PCDHGA5: variants seen among roughly 807,000 people sequenced by gnomAD.
PCDHGA5 encodes protocadherin gamma-A5.
Under a neutral mutation model 56.7 loss-of-function variants are expected in PCDHGA5, and 36 were observed. That is an observed-to-expected ratio of 0.64 (90% CI 0.49 to 0.84). The LOEUF is 0.84. PCDHGA5 is among the 40% of genes least tolerant of loss of function. PCDHGA5 has a pLI of 0.00. For synonymous variants in PCDHGA5, 563 were observed against 520.2 expected (o/e 1.08, Z -1.12); for missense variants, 1,305 against 1,201.5 (o/e 1.09, Z -1.27).
intron 1 of PCDHGA5, chr5:141,384,394 G>C (rs1252206948): frequency 1.2e-6 from 2 of 1,613,814 alleles, no homozygotes; most frequent in Non-Finnish European, 1.7e-6. Context: ...CATCCAGGGG[G>C]CTCCAGTGTC....
intron 1 of PCDHGA5, chr5:141,394,606 C>T (rs747606142): frequency 3.1e-6 from 5 of 1,613,486 alleles, no homozygotes; most frequent in Admixed American, 1.7e-5. Context: ...GACAGAGACT[C>T]GGGCCAGAAC....
Position 141,487,831 on chromosome 5 carries a change from A to G in PCDHGA5, c.2422-6976A>G, listed in dbSNP as rs1001896359. ...TTAGCATTGGGGGCGGGTCATGCCTATATCTGAGTAAGAAATGAAAGTAAT... is the reference window on the plus strand; with the variant it reads ...TTAGCATTGGGGGCGGGTCATGCCTGTATCTGAGTAAGAAATGAAAGTAAT... On this transcript the variant is annotated intron_variant, in intron 1 of 3. Transcript: ENST00000518069. This position sits in a 1 kb window ranked among gnomAD's most constrained non-coding sequence, Gnocchi z 5.0. The G allele has an allele frequency of 1.1e-5, 13 of 1,144,204 alleles. No homozygotes were observed. Among genetic ancestry groups the G allele is most frequent in the Non-Finnish European group, 1.6e-5 (13 of 818,302 alleles). 70.9% of individuals were successfully genotyped at this position (1,144,204 alleles called of 1,614,324 possible). A position where few individuals can be genotyped will look rare whatever the true frequency, so the allele number is the denominator to read the frequency against.
At chr5:141,399,579 C>CT (rs1419885738) in intron 1 of PCDHGA5, 1 of 1,614,026 alleles carries the variant, frequency 6.2e-7, no homozygotes, top group African/African-American at 1.3e-5. Context: ...GCCAAGTCTC[C>CT]TACTCTATCA....
intron 1 of PCDHGA5, among the ~76,000 whole-genome samples, chr5:141,481,731 A>G (rs1339022274): frequency 6.6e-6 from 1 of 152,060 alleles, no homozygotes; most frequent in African/African-American, 2.4e-5. Context: ...AGGCGGGCGG[A>G]TCACGAGGTC....
In PCDHGA5 at chr5:141,485,042, C is replaced by T; in HGVS notation, c.2422-9765C>T. ...CAGCAAAAACGGCGCGTAACCCTTGCGGCGCCGGCCGAACCGCGCCAGAGC... is the reference window on the plus strand; with the variant it reads ...CAGCAAAAACGGCGCGTAACCCTTGTGGCGCCGGCCGAACCGCGCCAGAGC... On this transcript the variant is annotated intron_variant, in intron 1 of 3. Coordinates refer to ENST00000518069, the MANE Select transcript of PCDHGA5 (RefSeq NM_018918.3). This position sits in a 1 kb window ranked among gnomAD's most constrained non-coding sequence, Gnocchi z 5.7. 1 of 724,054 alleles carries T rather than the reference C, an allele frequency of 1.4e-6. No individual in the cohort carries two copies. Among genetic ancestry groups the T allele is most frequent in the South Asian group, 1.8e-5 (1 of 56,650 alleles). 44.9% of individuals were successfully genotyped at this position (724,054 alleles called of 1,614,324 possible). A position where few individuals can be genotyped will look rare whatever the true frequency, so the allele number is the denominator to read the frequency against.
chr5:141,385,181 C>T (rs201394036), intron 1 of PCDHGA5: 5 of 1,614,202 alleles, frequency 3.1e-6, no homozygotes, highest in Non-Finnish European at 3.4e-6. Flanking sequence ...TCCCTCACCG[C>T]GGACTCTCGG....
intron 1 of PCDHGA5, among the ~76,000 whole-genome samples, chr5:141,458,876 G>T (rs187470646): frequency 5.0e-4 from 76 of 152,248 alleles, no homozygotes; most frequent in African/African-American, 1.7e-3. Context: ...GGGACTACAG[G>T]CATGCACACC....
At chr5:141,468,063 A>G (rs2099157033) in intron 1 of PCDHGA5, among the ~76,000 whole-genome samples, 1 of 152,064 alleles carries the variant, frequency 6.6e-6, no homozygotes, top group South Asian at 2.1e-4. Flanking sequence ...AGTGGCTCAC[A>G]CCTGTAATCC....
rs779949480 is a variant in PCDHGA5, at chr5:141,489,768, C to G, written c.2422-5039C>G. The G allele has an allele frequency of 6.2e-7, 1 of 1,614,134 alleles. No individual in the cohort carries two copies. The highest frequency in any genetic ancestry group is 1.1e-5 in the South Asian group (1 of 91,072). On this transcript the variant is annotated intron_variant, in intron 1 of 3. Coordinates refer to ENST00000518069, the MANE Select transcript of PCDHGA5 (RefSeq NM_018918.3). The surrounding 1 kb of genome is among the most constrained non-coding windows in gnomAD (Gnocchi z 4.5). ...GCTTTTACACTCTAAGCCCCAACAG[C>G]CACTTCTCTCTGAATGTGAAGACCC...
chr5:141,373,720 C>T (rs1769798008), intron 1 of PCDHGA5, among the ~76,000 whole-genome samples: 1 of 152,328 alleles, frequency 6.6e-6, no homozygotes, highest in East Asian at 1.9e-4. Flanking sequence ...ATCTCTTACA[C>T]TCTTCTAAAT....
At chr5:141,413,785 C>G (rs771027783) in intron 1 of PCDHGA5, 17 of 1,613,070 alleles carry the variant, frequency 1.1e-5, no homozygotes, top group Non-Finnish European at 1.4e-5. Flanking sequence ...GGAGCACTCC[C>G]TAGATCGCGA....
At chr5:141,437,983 A>C (rs544812394) in intron 1 of PCDHGA5, among the ~76,000 whole-genome samples, 1 of 152,056 alleles carries the variant, frequency 6.6e-6, no homozygotes, top group Admixed American at 6.5e-5. Context: ...GGATGCACCC[A>C]CCCCACCTCA....
At chr5:141,369,970 G>T (rs1204473207) in intron 1 of PCDHGA5, among the ~76,000 whole-genome samples, 5 of 152,088 alleles carry the variant, frequency 3.3e-5, no homozygotes, top group Non-Finnish European at 7.4e-5. Context: ...ACAAGTAAAA[G>T]GTACTTGATT....
chr5:141,432,610 C>T lies in PCDHGA5; in HGVS notation c.2422-62197C>T, dbSNP rs1481968343. 9.3e-6 allele frequency: 15 copies of T among 1,613,954 alleles called. No homozygotes were observed. Among genetic ancestry groups the T allele is most frequent in the Non-Finnish European group, 1.3e-5 (15 of 1,179,978 alleles). On this transcript the variant is annotated intron_variant, in intron 1 of 3. Transcript: ENST00000518069. This position sits in a 1 kb window ranked among gnomAD's most constrained non-coding sequence, Gnocchi z 6.0. The stretch of plus-strand genomic sequence containing the variant: ...TCAAGGCCAGCGAGCCGGGACTCTT[C>T]TCGGTGGGTCTGCACACGGGCGAGG...
intron 1 of PCDHGA5, chr5:141,393,482 T>G (rs116240246): frequency 4.3e-6 from 7 of 1,614,070 alleles, no homozygotes; most frequent in Middle Eastern, 1.6e-4. Context: ...CGCCTCGCTC[T>G]AGCACAGTGC....
chr5:141,365,824 G>C lies in PCDHGA5; in HGVS notation c.1494G>C (p.Gly498=), dbSNP rs745398679. ...TYSLAEDTFQ[G]APLSSYVSIN... The stretch of plus-strand genomic sequence containing the variant: ...CCCTGGCTGAAGACACATTTCAGGG[G>C]GCGCCCTTGTCCTCCTATGTATCCA... Residue 498 remains glycine, a synonymous_variant, in exon 1 of 4, where the codon GGG becomes GGC. Transcript: ENST00000518069. The C allele has an allele frequency of 2.5e-6, 4 of 1,613,926 alleles. No homozygotes were observed. The highest frequency in any genetic ancestry group is 3.4e-6 in the Non-Finnish European group (4 of 1,179,904).
At position 141,489,985 on chromosome 5, in the gene PCDHGA5, G is replaced by A. The variant is rs761481986; in HGVS notation, c.2422-4822G>A. ...AACCTTCCAATCCTCAGTTCTACGT[G>A]TGGGAATCCCAGAGAATGCACCCAT... On this transcript the variant is annotated intron_variant, in intron 1 of 3. Transcript: ENST00000518069. The surrounding 1 kb of genome is among the most constrained non-coding windows in gnomAD (Gnocchi z 4.5). The A allele has an allele frequency of 1.2e-6, 2 of 1,614,094 alleles. No homozygotes were observed. Among genetic ancestry groups the A allele is most frequent in the African/African-American group, 2.7e-5 (2 of 74,946 alleles).
At chr5:141,370,619 T>C (rs760864223) in intron 1 of PCDHGA5, 1 of 1,613,966 alleles carries the variant, frequency 6.2e-7, no homozygotes, top group Non-Finnish European at 8.5e-7. Context: ...AGAAATTCTT[T>C]ACCGTGAGCC....
rs549047197 is a variant in PCDHGA5, at chr5:141,502,866, C to CTTTTTTTTTTTTTTT, written c.2481-2513_2481-2512insTTTTTTTTTTTTTTT. Reference sequence around the variant, plus strand: ...GAGCTGCCTAACCCTGACTCTCTGTCTTTTTTTTTTTTTTGACAGGGAGTC... The same window carrying CTTTTTTTTTTTTTTT: ...GAGCTGCCTAACCCTGACTCTCTGTCTTTTTTTTTTTTTTTTTTTTTTTTTTTTTGACAGGGAGTC... On this transcript the variant is annotated intron_variant, in intron 2 of 3. Coordinates refer to ENST00000518069, the MANE Select transcript of PCDHGA5 (RefSeq NM_018918.3). 1.1e-4 allele frequency among the ~76,000 whole-genome samples: 14 copies of CTTTTTTTTTTTTTTT among 128,026 alleles called. 3 individuals are homozygous for CTTTTTTTTTTTTTTT. Among genetic ancestry groups the CTTTTTTTTTTTTTTT allele is most frequent in the Admixed American group, 1.7e-4 (2 of 11,664 alleles). The allele number at this position is 128,026 out of a possible 152,430, so 84.0% of individuals were successfully genotyped here.
Sources: gnomAD v4.1 joint callset for allele counts (sites outside exome capture counted in the v4.1 genomes callset) on GRCh38, gnomAD v4.1.1 for gene constraint, Gnocchi (gnomAD v3.1) non-coding constraint, MANE v1.5 for transcripts, NCBI Gene and HGNC (gene_info 2026-07-23, HGNC 2026-07-21) for gene names.